Variants in LDB3 observed in about 807,000 individuals in gnomAD.
The protein encoded by LDB3 is LIM domain-binding protein 3.
Under a neutral mutation model 69.0 loss-of-function variants are expected in LDB3, and 49 were observed. The ratio of observed to expected loss-of-function variants is 0.71; its 90% CI spans 0.56 to 0.90. LDB3 has a LOEUF of 0.90. Among genes scored for constraint, LDB3 ranks in the 40% least tolerant of loss-of-function variants. The pLI is 0.00. For missense variants in LDB3, 928 were observed against 974.1 expected (o/e 0.95, Z 0.63); for synonymous variants, 387 against 396.2 (o/e 0.98, Z 0.28).
chr10:86,707,043 C>T (rs936779972), intron 8 of LDB3, among the ~76,000 whole-genome samples: 3 of 144,228 alleles, frequency 2.1e-5, no homozygotes, highest in African/African-American at 7.7e-5. Context: ...CATACACACA[C>T]TCATACACAC....
intron 9 of LDB3, 113 bp downstream of exon 9, chr10:86,710,163 C>A (rs1846591890): frequency 1.9e-6 from 3 of 1,538,860 alleles, no homozygotes; most frequent in Admixed American, 3.9e-5. Flanking sequence ...GGAAGCAAGG[C>A]CTTGCTAATG....
intron 12 of LDB3, among the ~76,000 whole-genome samples, chr10:86,723,011 A>G (rs936044634): frequency 2.6e-5 from 4 of 152,000 alleles, no homozygotes. Flanking sequence ...TCACGCCTGT[A>G]ATCATAGTAC....
chr10:86,668,830 C>A, intron 2 of LDB3, 46 bp downstream of exon 2: 1 of 1,405,398 alleles, frequency 7.1e-7, no homozygotes, highest in African/African-American at 1.4e-5. Context: ...GGCAGGCACG[C>A]TTGGAGGAGG....
chr10:86,692,573 T>C lies in LDB3; in HGVS notation c.896+2T>C, dbSNP rs2132418124. ...TGAAGAAGCTCTGCGAAGGTCAAGGTAAGTGCCTGGACTCAGGCTCTGTGG... is the reference window on the plus strand; with the variant it reads ...TGAAGAAGCTCTGCGAAGGTCAAGGCAAGTGCCTGGACTCAGGCTCTGTGG... On this transcript the variant is annotated splice_donor_variant, in intron 7 of 13. Transcript: ENST00000361373. LOFTEE classifies it high-confidence loss of function. 6.2e-7 allele frequency: 1 copy of C among 1,614,080 alleles called. No homozygotes were observed. The highest frequency in any genetic ancestry group is 8.5e-7 in the Non-Finnish European group (1 of 1,179,930).
chr10:86,699,624 A>G lies in LDB3; in HGVS notation c.897-6907A>G, dbSNP rs79068721. On this transcript the variant is annotated intron_variant, in intron 7 of 13. Coordinates refer to ENST00000361373, the MANE Select transcript of LDB3 (RefSeq NM_007078.3). The surrounding 1 kb of genome is among the most constrained non-coding windows in gnomAD (Gnocchi z 4.9). ...CCTCGCCACCCCCCAAATAGCCCGTAGCCCAATCCCCTGCCCTCTGCACAG... is the reference window on the plus strand; with the variant it reads ...CCTCGCCACCCCCCAAATAGCCCGTGGCCCAATCCCCTGCCCTCTGCACAG... 1.2e-3 allele frequency: 1,639 copies of G among 1,362,450 alleles called. 21 individuals are homozygous for G. The African/African-American group carries it at 0.022, about 18-fold the overall frequency. The allele number at this position is 1,362,450 out of a possible 1,614,324, so 84.4% of individuals were successfully genotyped here. A position where few individuals can be genotyped will look rare whatever the true frequency, so the allele number is the denominator to read the frequency against.
chr10:86,724,407 A>G (rs1477808530), intron 12 of LDB3, among the ~76,000 whole-genome samples: 1 of 152,010 alleles, frequency 6.6e-6, no homozygotes, highest in East Asian at 1.9e-4. Flanking sequence ...GATCGAGACC[A>G]TCCTGGCCAA....
At chr10:86,730,510 C>T (rs942475679) in intron 13 of LDB3, among the ~76,000 whole-genome samples, 2 of 152,188 alleles carry the variant, frequency 1.3e-5, no homozygotes, top group African/African-American at 4.8e-5. Context: ...ACCCATGAAC[C>T]CAGATCAATT....
At chr10:86,717,887 C>A in intron 10 of LDB3, 77 bp from the exon 11 acceptor site, 2 of 1,334,892 alleles carry the variant, frequency 1.5e-6, no homozygotes, top group Non-Finnish European at 2.1e-6. Flanking sequence ...AAAGTATAAA[C>A]AGTGTTGGGG....
intron 12 of LDB3, among the ~76,000 whole-genome samples, chr10:86,725,547 G>A (rs141442343): frequency 6.6e-6 from 1 of 152,300 alleles, no homozygotes; most frequent in East Asian, 1.9e-4. Context: ...CACCATCCAT[G>A]TGAAAATGCT....
chr10:86,694,741 G>A (rs180860659), intron 7 of LDB3, among the ~76,000 whole-genome samples: 196 of 152,308 alleles, frequency 1.3e-3, no homozygotes, highest in African/African-American at 4.4e-3. Context: ...CTAAAGCAGT[G>A]TGTGTGATCA....
chr10:86,728,652 G>C (rs1847355391), intron 13 of LDB3, among the ~76,000 whole-genome samples: 1 of 146,380 alleles, frequency 6.8e-6, no homozygotes, highest in Non-Finnish European at 1.5e-5. Context: ...GTGCGATCTT[G>C]GCTCACTGCA....
At chr10:86,686,031 G>T (rs1286028795) in intron 5 of LDB3, among the ~76,000 whole-genome samples, 1 of 152,152 alleles carries the variant, frequency 6.6e-6, no homozygotes, top group African/African-American at 2.4e-5. Flanking sequence ...GCCTGTGTGA[G>T]CCTGAAGACC....
chr10:86,724,085 T>G (rs1416322631), intron 12 of LDB3, among the ~76,000 whole-genome samples: 1 of 151,544 alleles, frequency 6.6e-6, no homozygotes, highest in Non-Finnish European at 1.5e-5. Context: ...CCGAGGCAGG[T>G]GGATCACTTG....
upstream of LDB3, chr10:86,666,977 C>A: frequency 7.4e-6 from 3 of 403,072 alleles, no homozygotes; most frequent in South Asian, 5.3e-5. Context: ...GGGCATAAGG[C>A]TGGAGTTAGG....
At chr10:86,716,204 A>G (rs1846862397) in intron 9 of LDB3, 123 bp from the exon 10 acceptor site, 1 of 1,188,216 alleles carries the variant, frequency 8.4e-7, no homozygotes, top group Non-Finnish European at 1.3e-6. Context: ...CTCCCAAAAA[A>G]ACTGAAATTG....
chr10:86,686,933 G>A (rs965162463), intron 5 of LDB3: 11 of 812,724 alleles, frequency 1.4e-5, no homozygotes, highest in African/African-American at 1.0e-4. Flanking sequence ...GCCTATGGGG[G>A]TTCAGGGCCT....
intron 13 of LDB3, chr10:86,726,513 A>C: frequency 2.0e-6 from 1 of 500,736 alleles, no homozygotes; most frequent in Admixed American, 3.2e-5. Context: ...TTGGCAAACC[A>C]GCGGCTTGTC....
At chr10:86,719,163 C>T (rs140133745) in intron 12 of LDB3, among the ~76,000 whole-genome samples, 28 of 152,010 alleles carry the variant, frequency 1.8e-4, no homozygotes, top group East Asian at 5.8e-4. Flanking sequence ...TTTGGGAGGC[C>T]GAGACAGAAG....
In LDB3 at chr10:86,699,670, G is replaced by A. The variant is rs1458669091; in HGVS notation, c.897-6861G>A. On this transcript the variant is annotated intron_variant, in intron 7 of 13. Transcript: ENST00000361373. The surrounding 1 kb of genome is among the most constrained non-coding windows in gnomAD (Gnocchi z 4.9). ...CACAGGGCCTTAGCTGTAGACCAGA[G>A]AGGGCAGGAGGGGTTTGCTGGCATA... The A allele has an allele frequency of 4.0e-6, 5 of 1,257,672 alleles. No homozygotes were observed. The East Asian group carries it at 2.0e-4, about 50-fold the overall frequency. 77.9% of individuals were successfully genotyped at this position (1,257,672 alleles called of 1,614,324 possible).
Sources: allele counts gnomAD v4.1 joint callset (sites outside exome capture counted in the v4.1 genomes callset), GRCh38; gene constraint gnomAD v4.1.1; non-coding constraint Gnocchi (gnomAD v3.1); transcripts MANE v1.5; gene names NCBI Gene and HGNC (gene_info 2026-07-23, HGNC 2026-07-21).